KHDRBS2: variants seen among roughly 807,000 people sequenced by gnomAD.
The protein encoded by KHDRBS2 is KH RNA binding domain containing, signal transduction associated 2, also known as KH domain-containing, RNA-binding, signal transduction-associated protein 2.
Under a neutral mutation model 44.3 loss-of-function variants are expected in KHDRBS2, and 26 were observed. That is an observed-to-expected ratio of 0.59 (90% CI 0.43 to 0.81). The LOEUF (loss-of-function observed/expected upper bound fraction) is 0.81, where lower values mean the gene tolerates loss of function less well. Among genes scored for constraint, KHDRBS2 ranks in the 40% least tolerant of loss-of-function variants. KHDRBS2 has a pLI of 0.00. For missense variants in KHDRBS2, 476 were observed against 433.1 expected, an observed-to-expected ratio of 1.10 and a Z score of -0.88; for synonymous variants, 194 against 151.1, an observed-to-expected ratio of 1.28 and a Z score of -2.08.
At chr6:62,139,401 A>G (rs1259321596) in intron 2 of KHDRBS2, among the ~76,000 whole-genome samples, 1 of 151,928 alleles carries the variant, frequency 6.6e-6, no homozygotes, top group African/African-American at 2.4e-5. Context: ...AAATACAAAA[A>G]AATTAGCCGG....
At chr6:61,881,437 CTA>C (rs979846013) in intron 6 of KHDRBS2, among the ~76,000 whole-genome samples, 7 of 151,818 alleles carry the variant, frequency 4.6e-5, no homozygotes, top group Non-Finnish European at 8.8e-5. Context: ...TATATAAATT[CTA>C]GAGAGAGGTA....
intron 2 of KHDRBS2, among the ~76,000 whole-genome samples, chr6:62,156,862 T>A (rs1170655160): frequency 6.9e-6 from 1 of 145,460 alleles, no homozygotes; most frequent in Non-Finnish European, 1.5e-5. Context: ...TTTTTTTGTA[T>A]TTTTAGTAGA....
intron 2 of KHDRBS2, among the ~76,000 whole-genome samples, chr6:62,091,352 T>A (rs1357938743): frequency 6.6e-6 from 1 of 152,168 alleles, no homozygotes; most frequent in African/African-American, 2.4e-5. Flanking sequence ...GTATAAAATA[T>A]CAACCTGTAT....
At chr6:62,136,421 G>A (rs963555738) in intron 2 of KHDRBS2, among the ~76,000 whole-genome samples, 151 of 152,174 alleles carry the variant, frequency 9.9e-4, no homozygotes, top group African/African-American at 3.6e-3. Context: ...CAGGTGATAC[G>A]CTCCTTTAAA....
At chr6:61,744,224 A>C (rs1020031260) in intron 6 of KHDRBS2, among the ~76,000 whole-genome samples, 35 of 152,252 alleles carry the variant, frequency 2.3e-4, no homozygotes, top group African/African-American at 8.4e-4. Flanking sequence ...CAAGGACTCT[A>C]TTACACACCA....
At chr6:62,057,676 A>G (rs1211916243) in intron 2 of KHDRBS2, among the ~76,000 whole-genome samples, 1 of 151,948 alleles carries the variant, frequency 6.6e-6, no homozygotes, top group Non-Finnish European at 1.5e-5. Context: ...AATGTCTAAG[A>G]TTCTTAAGGC....
the KHDRBS2 span, among the ~76,000 whole-genome samples, chr6:61,637,186 C>T: frequency 1.3e-5 from 2 of 151,860 alleles, no homozygotes; most frequent in Non-Finnish European, 2.9e-5. Flanking sequence ...CACCCCTGTC[C>T]CCCCACCCCA....
At chr6:62,134,959 A>C (rs181231075) in intron 2 of KHDRBS2, among the ~76,000 whole-genome samples, 88 of 152,238 alleles carry the variant, frequency 5.8e-4, no homozygotes, top group Admixed American at 9.1e-4. Context: ...GTCTCAGATG[A>C]GACTTTGGAC....
At chr6:62,075,927 G>A (rs1203772605) in intron 2 of KHDRBS2, among the ~76,000 whole-genome samples, 1 of 148,202 alleles carries the variant, frequency 6.7e-6, no homozygotes, top group African/African-American at 2.5e-5. Context: ...TATTTTTAAT[G>A]GCACCAAGGA....
chr6:62,164,723 G>T (rs1818321137), intron 2 of KHDRBS2, among the ~76,000 whole-genome samples: 1 of 151,828 alleles, frequency 6.6e-6, no homozygotes, highest in Non-Finnish European at 1.5e-5. Context: ...AAAAGTCTGT[G>T]CCTTTGTGAT....
chr6:61,731,409 A>T (rs1005693705), intron 7 of KHDRBS2, among the ~76,000 whole-genome samples: 1 of 152,096 alleles, frequency 6.6e-6, no homozygotes. Flanking sequence ...TACAGTGATA[A>T]CTTAAATCAT....
the KHDRBS2 span, among the ~76,000 whole-genome samples, chr6:61,579,010 A>G: frequency 5.9e-5 from 9 of 152,286 alleles, no homozygotes; most frequent in Non-Finnish European, 4.4e-5. Flanking sequence ...CTTGTCACAA[A>G]CTATTAATTG....
chr6:61,546,832 G>T, the KHDRBS2 span, among the ~76,000 whole-genome samples: 1 of 152,040 alleles, frequency 6.6e-6, no homozygotes, highest in East Asian at 1.9e-4. Flanking sequence ...TTATTATCAT[G>T]CATTTGTATG....
chr6:62,080,411 G>C (rs561211371), intron 2 of KHDRBS2, among the ~76,000 whole-genome samples: 4 of 152,032 alleles, frequency 2.6e-5, no homozygotes, highest in Non-Finnish European at 4.4e-5. Flanking sequence ...TTTTCCATTA[G>C]AAATGACAAT....
intron 2 of KHDRBS2, among the ~76,000 whole-genome samples, chr6:62,158,511 C>A (rs1395407500): frequency 2.0e-5 from 3 of 152,076 alleles, no homozygotes; most frequent in Non-Finnish European, 4.4e-5. Flanking sequence ...ATTTTATTTT[C>A]CCATTATATT....
chr6:61,584,207 T>C, the KHDRBS2 span, among the ~76,000 whole-genome samples: 2 of 151,954 alleles, frequency 1.3e-5, no homozygotes, highest in East Asian at 1.9e-4. Flanking sequence ...TCTGTTCCTA[T>C]CTTTTCTTGT....
intron 6 of KHDRBS2, chr6:61,813,840 G>C: frequency 2.4e-6 from 1 of 425,468 alleles, no homozygotes; most frequent in Non-Finnish European, 4.7e-6. Flanking sequence ...TTTCCTCCTT[G>C]GTGACCTTCC....
intron 1 of KHDRBS2, among the ~76,000 whole-genome samples, chr6:62,265,337 T>A (rs747844948): frequency 6.6e-5 from 10 of 151,948 alleles, no homozygotes; most frequent in Non-Finnish European, 1.3e-4. Flanking sequence ...GTCCTTTAAT[T>A]ACAAACCAAA....
At chr6:61,857,228 T>C (rs1057386538) in intron 6 of KHDRBS2, among the ~76,000 whole-genome samples, 2 of 152,072 alleles carry the variant, frequency 1.3e-5, no homozygotes, top group African/African-American at 4.8e-5. Flanking sequence ...AAATTTTCTG[T>C]TGAATAAATC....
Sources: gnomAD v4.1 joint callset for allele counts (sites outside exome capture counted in the v4.1 genomes callset) on GRCh38, gnomAD v4.1.1 for gene constraint, MANE v1.5 for transcripts, NCBI Gene and HGNC (gene_info 2026-07-23, HGNC 2026-07-21) for gene names.